Variants in NBAS observed in about 807,000 individuals in gnomAD.
NBAS encodes NAG/BC035112 fusion.
A neutral mutation model predicts 302.5 loss-of-function variants in NBAS; 219 were observed. That is an observed-to-expected ratio of 0.72 (90% CI 0.65 to 0.81). The LOEUF (loss-of-function observed/expected upper bound fraction) is 0.81, where lower values mean the gene tolerates loss of function less well. NBAS is among the 30% of genes least tolerant of loss of function. The probability of loss-of-function intolerance (pLI) is 0.00; values close to 1 mark genes in which losing one functional copy is unlikely to be tolerated. For synonymous variants in NBAS, 1,118 were observed against 1,021.6 expected (o/e 1.09, Z -1.80); for missense variants, 2,932 against 2,841.6 (o/e 1.03, Z -0.72).
chr2:14,976,163 C>T, the NBAS span, among the ~76,000 whole-genome samples: 1 of 152,220 alleles, frequency 6.6e-6, no homozygotes, highest in African/African-American at 2.4e-5. Flanking sequence ...GCATGAGCCT[C>T]TCAGTTGCCC....
chr2:15,005,540 A>G, the NBAS span, among the ~76,000 whole-genome samples: 1 of 152,222 alleles, frequency 6.6e-6, no homozygotes, highest in African/African-American at 2.4e-5. Flanking sequence ...CAAAGGCCAG[A>G]CTGGAGCCCA....
intron 44 of NBAS, among the ~76,000 whole-genome samples, chr2:15,256,134 T>C (rs1272371045): frequency 6.6e-6 from 1 of 152,180 alleles, no homozygotes; most frequent in Non-Finnish European, 1.5e-5. Context: ...ATTTATAGAC[T>C]GCTTTTGGCA....
chr2:15,405,941 C>T (rs970734924), intron 25 of NBAS, among the ~76,000 whole-genome samples: 5 of 151,830 alleles, frequency 3.3e-5, no homozygotes, highest in East Asian at 1.9e-4. Context: ...GAACAACATC[C>T]GCTATTATTG....
At chr2:14,875,367 C>A in the NBAS span, among the ~76,000 whole-genome samples, 1 of 152,154 alleles carries the variant, frequency 6.6e-6, no homozygotes, top group African/African-American at 2.4e-5. Context: ...AGCCTGTAAT[C>A]CCAGCATTTT....
chr2:15,232,969 CA>C (rs1259156695), intron 46 of NBAS, among the ~76,000 whole-genome samples: 17 of 151,764 alleles, frequency 1.1e-4, no homozygotes, highest in African/African-American at 4.1e-4. Flanking sequence ...TCCTATGAGA[CA>C]AGTACTATTA....
intron 44 of NBAS, among the ~76,000 whole-genome samples, chr2:15,257,410 T>G (rs1355686304): frequency 1.3e-5 from 2 of 151,302 alleles, no homozygotes; most frequent in Non-Finnish European, 3.0e-5. Context: ...CTTTTTTTTT[T>G]TTTTTTGAGT....
chr2:15,296,955 A>G (rs2148124785), intron 40 of NBAS, among the ~76,000 whole-genome samples: 1 of 152,350 alleles, frequency 6.6e-6, no homozygotes, highest in South Asian at 2.1e-4. Flanking sequence ...ACTACATACA[A>G]ATTATCTATT....
chr2:14,980,336 G>GA, the NBAS span, among the ~76,000 whole-genome samples: 179 of 152,034 alleles, frequency 1.2e-3, no homozygotes, highest in Middle Eastern at 3.4e-3. Context: ...TAAGCCTTTG[G>GA]AAAAAACAAG....
chr2:14,893,370 CT>C, the NBAS span, among the ~76,000 whole-genome samples: 1 of 152,072 alleles, frequency 6.6e-6, no homozygotes, highest in African/African-American at 2.4e-5. Context: ...CAACTTCTAT[CT>C]TTAATATTTT....
At chr2:15,513,901 G>A (rs539173960) in intron 9 of NBAS, among the ~76,000 whole-genome samples, 3 of 152,040 alleles carry the variant, frequency 2.0e-5, no homozygotes, top group East Asian at 1.9e-4. Flanking sequence ...TGGGAGAATC[G>A]CTTGAGGACA....
intron 42 of NBAS, among the ~76,000 whole-genome samples, chr2:15,286,449 C>T (rs190875563): frequency 7.9e-5 from 12 of 152,348 alleles, no homozygotes; most frequent in Admixed American, 2.6e-4. Context: ...AGGGCCTCCA[C>T]AATCTTGCTG....
intron 11 of NBAS, among the ~76,000 whole-genome samples, chr2:15,493,239 T>C (rs1680937098): frequency 6.6e-6 from 1 of 152,252 alleles, no homozygotes; most frequent in East Asian, 1.9e-4. Flanking sequence ...TTAAACTTCC[T>C]TTCTTTATAA....
At chr2:15,250,154 C>T (rs547520741) in intron 44 of NBAS, among the ~76,000 whole-genome samples, 6 of 152,106 alleles carry the variant, frequency 3.9e-5, no homozygotes, top group East Asian at 1.9e-4. Context: ...TCAGAAATAA[C>T]GCCACACATC....
the NBAS span, among the ~76,000 whole-genome samples, chr2:14,797,026 C>A: frequency 6.8e-6 from 1 of 148,096 alleles, no homozygotes; most frequent in Non-Finnish European, 1.5e-5. Context: ...GGAGGCGGAG[C>A]TTGCAGTGAG....
At chr2:15,551,742 G>A (rs541621495) in intron 5 of NBAS, among the ~76,000 whole-genome samples, 3 of 152,202 alleles carry the variant, frequency 2.0e-5, no homozygotes, top group South Asian at 2.1e-4. Flanking sequence ...GAGCTACATC[G>A]TTATGGAGAC....
the NBAS span, among the ~76,000 whole-genome samples, chr2:14,783,324 A>G: frequency 9.2e-5 from 14 of 151,524 alleles, no homozygotes; most frequent in African/African-American, 3.4e-4. Flanking sequence ...TTTTTTTATT[A>G]TTATTATTAT....
chr2:15,193,768 T>C (rs1025590928), intron 48 of NBAS, among the ~76,000 whole-genome samples: 2 of 152,086 alleles, frequency 1.3e-5, no homozygotes, highest in African/African-American at 4.8e-5. Flanking sequence ...AAATTCAAAA[T>C]GAATTTTTGT....
At position 15,374,186 on chromosome 2, in the gene NBAS, T is replaced by A. The variant is rs16862551; in HGVS notation, c.3703+422A>T. On this transcript the variant is annotated intron_variant, in intron 31 of 51. Transcript: ENST00000281513. ...AAAAAAATAGATGGACGTAATATAC[T>A]GAGTCAAGCATAAAAAGAAAAAAAC... Among the ~76,000 whole-genome samples, 7 of 152,172 alleles carry A rather than the reference T, an allele frequency of 4.6e-5. No individual in the cohort carries two copies. In the South Asian group the frequency reaches 8.3e-4, roughly 18 times the overall value.
intron 3 of NBAS, among the ~76,000 whole-genome samples, chr2:15,555,792 C>G (rs1664618104): frequency 1.3e-5 from 2 of 152,172 alleles, no homozygotes; most frequent in African/African-American, 4.8e-5. Flanking sequence ...AAGGTTCTCA[C>G]ACAGAGGACA....
Sources: gnomAD v4.1 joint callset for allele counts (sites outside exome capture counted in the v4.1 genomes callset) on GRCh38, gnomAD v4.1.1 for gene constraint, MANE v1.5 for transcripts, NCBI Gene and HGNC (gene_info 2026-07-23, HGNC 2026-07-21) for gene names.